MMP16: variants seen among roughly 807,000 people sequenced by gnomAD.
MMP16 encodes the protein matrix metallopeptidase 16.
In MMP16, 12 loss-of-function variants were observed where a neutral mutation model predicts 67.8. The ratio of observed to expected loss-of-function variants is 0.18; its 90% CI spans 0.11 to 0.29. The LOEUF is 0.29. Among genes scored for constraint, MMP16 ranks in the 10% least tolerant of loss-of-function variants. The probability of loss-of-function intolerance (pLI) is 1.00; values close to 1 mark genes in which losing one functional copy is unlikely to be tolerated. For synonymous variants in MMP16, 249 were observed against 255.9 expected, an observed-to-expected ratio of 0.97 and a Z score of 0.26; for missense variants, 475 against 765.7, an observed-to-expected ratio of 0.62 and a Z score of 4.48.
chr8:88,323,092 T>G (rs892911202), intron 1 of MMP16, among the ~76,000 whole-genome samples: 1 of 152,170 alleles, frequency 6.6e-6, no homozygotes, highest in Non-Finnish European at 1.5e-5. Flanking sequence ...TGGAGAATTA[T>G]AGGCTATATT....
Position 88,134,506 on chromosome 8 carries a change from A to AT in MMP16, c.710-15646dup, listed in dbSNP as rs201036653. ...ACTTTATTTTCTATTTTGTAAGCCA[A>AT]TTTTTTTTTCATAAAAAAGGGGTTA... On this transcript the variant is annotated intron_variant, in intron 4 of 9. Coordinates refer to ENST00000286614, the MANE Select transcript of MMP16 (RefSeq NM_005941.5). Among the ~76,000 whole-genome samples the AT allele has an allele frequency of 8.8e-4, 132 of 150,636 alleles. 1 individual carries two copies. The highest frequency in any genetic ancestry group is 3.4e-3 in the Middle Eastern group (1 of 290).
intron 7 of MMP16, among the ~76,000 whole-genome samples, chr8:88,073,753 T>C (rs1808601273): frequency 6.6e-6 from 1 of 152,172 alleles, no homozygotes; most frequent in Non-Finnish European, 1.5e-5. Flanking sequence ...GAATAATTGC[T>C]TTTTGAGGGA....
chr8:88,166,775 A>ACAGACC lies in MMP16; in HGVS notation c.709+888_709+893dup, dbSNP rs1470151240. Among the ~76,000 whole-genome samples the ACAGACC allele has an allele frequency of 1.4e-4, 20 of 147,312 alleles. No individual in the cohort carries two copies. In the Admixed American group the frequency reaches 1.4e-3, roughly 10 times the overall value. ...TAAACAGAGGGAGTTTGTTTAAAAAACAGACCCAGGCTGGTATTGAACTCC... is the reference window on the plus strand; with the variant it reads ...TAAACAGAGGGAGTTTGTTTAAAAAACAGACCCAGACCCAGGCTGGTATTGAACTCC... On this transcript the variant is annotated intron_variant, in intron 4 of 9. Coordinates refer to ENST00000286614, the MANE Select transcript of MMP16 (RefSeq NM_005941.5).
At chr8:88,076,920 T>C (rs1808660706) in intron 6 of MMP16, among the ~76,000 whole-genome samples, 1 of 152,076 alleles carries the variant, frequency 6.6e-6, no homozygotes, top group African/African-American at 2.4e-5. Context: ...ACATTCCAGT[T>C]TTTCCCACAA....
intron 3 of MMP16, among the ~76,000 whole-genome samples, chr8:88,181,425 C>G (rs1808979125): frequency 6.6e-6 from 1 of 151,604 alleles, no homozygotes. Context: ...AAACATAATA[C>G]CATTTAAATT....
intron 7 of MMP16, among the ~76,000 whole-genome samples, chr8:88,066,193 G>A (rs1808461026): frequency 1.3e-5 from 2 of 152,096 alleles, no homozygotes; most frequent in South Asian, 4.1e-4. Context: ...ATTCTTGAAA[G>A]AGATTGCACC....
intron 6 of MMP16, among the ~76,000 whole-genome samples, chr8:88,088,789 C>T (rs1247776564): frequency 6.6e-6 from 1 of 152,006 alleles, no homozygotes; most frequent in East Asian, 1.9e-4. Flanking sequence ...AAATAGTGAT[C>T]AAGTTCTAAG....
intron 1 of MMP16, among the ~76,000 whole-genome samples, chr8:88,207,473 T>C (rs1226691964): frequency 1.3e-5 from 2 of 152,196 alleles, no homozygotes; most frequent in African/African-American, 4.8e-5. Context: ...CGTATTTTTA[T>C]TGTGTTTACT....
At chr8:88,239,831 A>G (rs1366965694) in intron 1 of MMP16, among the ~76,000 whole-genome samples, 1 of 152,234 alleles carries the variant, frequency 6.6e-6, no homozygotes, top group Non-Finnish European at 1.5e-5. Context: ...TAGAAGAGAT[A>G]TAATTCCTCC....
chr8:88,047,037 T>C (rs1808208064), intron 8 of MMP16, among the ~76,000 whole-genome samples: 1 of 152,214 alleles, frequency 6.6e-6, no homozygotes, highest in African/African-American at 2.4e-5. Flanking sequence ...TTATTGTCCA[T>C]ATCCTGCCTG....
chr8:88,155,369 C>A (rs555457455), intron 4 of MMP16, among the ~76,000 whole-genome samples: 15 of 151,736 alleles, frequency 9.9e-5, no homozygotes, highest in Non-Finnish European at 2.2e-4. Flanking sequence ...ATTTTTTAGT[C>A]CTTTGGGAAT....
At chr8:88,187,825 C>T (rs1443027761) in intron 2 of MMP16, among the ~76,000 whole-genome samples, 2 of 152,170 alleles carry the variant, frequency 1.3e-5, no homozygotes, top group Admixed American at 1.3e-4. Context: ...GTAGACCATG[C>T]AGTTACCAGA....
intron 4 of MMP16, among the ~76,000 whole-genome samples, chr8:88,159,163 C>A (rs557356345): frequency 5.3e-5 from 8 of 152,042 alleles, no homozygotes; most frequent in Non-Finnish European, 8.8e-5. Flanking sequence ...TCTTTTGGGT[C>A]CATATGAACT....
chr8:88,279,082 C>T (rs772921289), intron 1 of MMP16, among the ~76,000 whole-genome samples: 3 of 151,864 alleles, frequency 2.0e-5, no homozygotes, highest in African/African-American at 7.3e-5. Flanking sequence ...ATGAGCTAAG[C>T]GTGATGGCAT....
At position 88,078,799 on chromosome 8, in the gene MMP16, C is replaced by A. The variant is rs118073979; in HGVS notation, c.1084-4056G>T. On this transcript the variant is annotated intron_variant, in intron 6 of 9. Coordinates refer to ENST00000286614, the MANE Select transcript of MMP16 (RefSeq NM_005941.5). Reference sequence around the variant, plus strand: ...ATACCAACAACTTTCCATAAATCTACAAATGTGTCACATGTTCACACTGAA... The same window carrying A: ...ATACCAACAACTTTCCATAAATCTAAAAATGTGTCACATGTTCACACTGAA... Among the ~76,000 whole-genome samples, 886 of 152,324 alleles carry A rather than the reference C, an allele frequency of 5.8e-3. 4 individuals are homozygous for A. Among genetic ancestry groups the A allele is most frequent in the Non-Finnish European group, 9.1e-3 (617 of 68,028 alleles).
intron 1 of MMP16, among the ~76,000 whole-genome samples, chr8:88,321,013 C>T (rs1279703586): frequency 6.6e-6 from 1 of 152,048 alleles, no homozygotes; most frequent in Non-Finnish European, 1.5e-5. Context: ...ATAACTTCCC[C>T]AAGTAAAAGA....
intron 4 of MMP16, among the ~76,000 whole-genome samples, chr8:88,139,115 A>C (rs1808169768): frequency 6.6e-6 from 1 of 152,130 alleles, no homozygotes; most frequent in African/African-American, 2.4e-5. Context: ...TCAGATGCTG[A>C]CATTGTCTAT....
At chr8:88,199,616 C>G (rs940914806) in intron 1 of MMP16, among the ~76,000 whole-genome samples, 2 of 151,956 alleles carry the variant, frequency 1.3e-5, no homozygotes, top group Non-Finnish European at 2.9e-5. Flanking sequence ...TCCCCTTACC[C>G]TAGTATTCTG....
At chr8:88,074,562 A>G in intron 7 of MMP16, 43 bp downstream of exon 7, 1 of 1,598,356 alleles carries the variant, frequency 6.3e-7, no homozygotes, top group South Asian at 1.1e-5. Flanking sequence ...CCTATACAAA[A>G]TGATTAAAAT....
Sources: gnomAD v4.1 joint callset for allele counts (sites outside exome capture counted in the v4.1 genomes callset) on GRCh38, gnomAD v4.1.1 for gene constraint, MANE v1.5 for transcripts, NCBI Gene and HGNC (gene_info 2026-07-23, HGNC 2026-07-21) for gene names.